The following PLCB4 variants were observed in gnomAD, a reference collection of about 807,000 sequenced individuals.
PLCB4 encodes 1-phosphatidylinositol 4,5-bisphosphate phosphodiesterase beta-4.
In PLCB4, 77 loss-of-function variants were observed where a neutral mutation model predicts 178.8. The observed-to-expected ratio is 0.43, with a 90% CI of 0.36 to 0.52. PLCB4 has a LOEUF of 0.52. Among genes scored for constraint, PLCB4 ranks in the 20% least tolerant of loss-of-function variants. The pLI is 0.00. For synonymous variants in PLCB4, 496 were observed against 490.8 expected, an observed-to-expected ratio of 1.01 and a Z score of -0.14; for missense variants, 1,024 against 1,453.4, an observed-to-expected ratio of 0.70 and a Z score of 4.80.
At chr20:9,349,068 A>G (rs918754411) in intron 7 of PLCB4, among the ~76,000 whole-genome samples, 4 of 151,824 alleles carry the variant, frequency 2.6e-5, no homozygotes, top group African/African-American at 9.7e-5. Flanking sequence ...AAAAAAAAAG[A>G]AAAGAAAAGA....
In PLCB4 at chr20:9,096,328, A is replaced by G. The variant is rs999359125; in HGVS notation, c.-93A>G. On this transcript the variant is annotated 5_prime_UTR_variant, in exon 2 of 40. It removes the in-frame stop codon of an upstream open reading frame in the 5' UTR. Transcript: ENST00000378473. ...TCTGATTCAGAATCCTGAAAATGTGATCTCCCTTAAAAAGGTAGGTGTATG... is the reference window on the plus strand; with the variant it reads ...TCTGATTCAGAATCCTGAAAATGTGGTCTCCCTTAAAAAGGTAGGTGTATG... 15 of 152,280 alleles carry G rather than the reference A, an allele frequency of 9.9e-5. No individual in the cohort carries two copies. Among genetic ancestry groups the G allele is most frequent in the Admixed American group, 9.2e-4 (14 of 15,298 alleles). 9.4% of individuals were successfully genotyped at this position (152,280 alleles called of 1,614,324 possible).
At chr20:9,316,545 A>G (rs560190999) in intron 4 of PLCB4, among the ~76,000 whole-genome samples, 3 of 152,300 alleles carry the variant, frequency 2.0e-5, no homozygotes, top group East Asian at 1.9e-4. Context: ...TTTCCTGACT[A>G]TGTCTCCATG....
At chr20:9,118,206 T>C (rs2091845667) in intron 2 of PLCB4, among the ~76,000 whole-genome samples, 1 of 142,984 alleles carries the variant, frequency 7.0e-6, no homozygotes, top group South Asian at 2.5e-4. Flanking sequence ...TATCTCCCAA[T>C]GCTATCCCTC....
chr20:9,215,962 A>T (rs2093726479), intron 2 of PLCB4, among the ~76,000 whole-genome samples: 1 of 152,182 alleles, frequency 6.6e-6, no homozygotes, highest in Admixed American at 6.5e-5. Context: ...TCATATAGGT[A>T]CAGATTTCCT....
chr20:9,436,809 G>C (rs1307070279), intron 29 of PLCB4, among the ~76,000 whole-genome samples, 193 bp from the exon 30 acceptor site: 1 of 152,182 alleles, frequency 6.6e-6, no homozygotes, highest in African/African-American at 2.4e-5. Flanking sequence ...CCAATAGCTA[G>C]AAAAAGAGAA....
At chr20:9,238,003 T>A (rs1352509274) in intron 3 of PLCB4, among the ~76,000 whole-genome samples, 1 of 152,110 alleles carries the variant, frequency 6.6e-6, no homozygotes, top group Non-Finnish European at 1.5e-5. Flanking sequence ...CTGCGAATAA[T>A]CACGTAGAGG....
At chr20:9,251,319 G>T (rs993810648) in intron 3 of PLCB4, among the ~76,000 whole-genome samples, 7 of 152,124 alleles carry the variant, frequency 4.6e-5, no homozygotes, top group African/African-American at 1.7e-4. Flanking sequence ...AGAAATTTAG[G>T]ATTTCAGTCC....
At chr20:9,470,858 A>G (rs1402999510) in intron 36 of PLCB4, among the ~76,000 whole-genome samples, 2 of 152,212 alleles carry the variant, frequency 1.3e-5, no homozygotes, top group East Asian at 3.8e-4. Flanking sequence ...GTTTGTATCC[A>G]GTGGTATGTG....
intron 32 of PLCB4, among the ~76,000 whole-genome samples, chr20:9,447,686 G>A (rs995386324): frequency 2.6e-5 from 4 of 152,224 alleles, no homozygotes; most frequent in African/African-American, 9.6e-5. Flanking sequence ...CAACAGATTA[G>A]CTTATTAATA....
intron 2 of PLCB4, among the ~76,000 whole-genome samples, chr20:9,196,742 T>C (rs1279636722): frequency 6.6e-6 from 1 of 152,190 alleles, no homozygotes; most frequent in East Asian, 1.9e-4. Context: ...TAATAAGGCC[T>C]ATCTTTGGTG....
intron 2 of PLCB4, among the ~76,000 whole-genome samples, chr20:9,140,280 C>T (rs1022224925): frequency 4.6e-5 from 7 of 151,990 alleles, no homozygotes; most frequent in South Asian, 4.2e-4. Flanking sequence ...ATCCCCTGTC[C>T]GTCTCCTTTT....
rs1403679669 is a variant in PLCB4 at position 9,110,471 on chromosome 20, A to T, written c.-79+14129A>T. Among the ~76,000 whole-genome samples the T allele has an allele frequency of 7.2e-5, 11 of 152,270 alleles. No homozygotes were observed. The East Asian group carries it at 2.1e-3, about 29-fold the overall frequency. The stretch of plus-strand genomic sequence containing the variant: ...AACAGTGTTTAGATTATCTCTACAC[A>T]TTTTACATTTCTCCCAAAGGCTGCT... On this transcript the variant is annotated intron_variant, in intron 2 of 39. Coordinates refer to ENST00000378473, the MANE Select transcript of PLCB4 (RefSeq NM_001377142.1).
chr20:9,384,202 C>T lies in PLCB4; in HGVS notation c.855C>T (p.Gly285=), dbSNP rs946306505. Residue 285 remains glycine (G), a splice_region_variant and synonymous_variant, in exon 14 of 40, where the codon GGC becomes GGT. Transcript: ENST00000378473. ...ACTAAGATGTTCTTTTTCCCCTAGG[C>T]CTTATATCAAGTGATGGGTTTTGCA... ...YEPDEDLKKK[G]LISSDGFCRY... The T allele has an allele frequency of 1.9e-6, 3 of 1,610,058 alleles. No homozygotes were observed. In the Admixed American group the frequency reaches 5.0e-5, roughly 27 times the overall value.
intron 3 of PLCB4, among the ~76,000 whole-genome samples, 200 bp downstream of exon 3, chr20:9,217,652 C>T (rs2147273035): frequency 6.6e-6 from 1 of 152,358 alleles, no homozygotes; most frequent in East Asian, 1.9e-4. Context: ...ATTAATTTCA[C>T]TACTAACCTT....
chr20:9,406,515 G>A (rs2039447329), intron 21 of PLCB4, among the ~76,000 whole-genome samples: 1 of 148,602 alleles, frequency 6.7e-6, no homozygotes, highest in Non-Finnish European at 1.5e-5. Context: ...TTGAGATGGA[G>A]TCTCACTCTG....
intron 3 of PLCB4, among the ~76,000 whole-genome samples, chr20:9,250,894 A>G (rs536476392): frequency 1.2e-4 from 19 of 152,354 alleles, no homozygotes; most frequent in South Asian, 6.2e-4. Context: ...CTCCAGTAAT[A>G]TTCTCTGTGA....
intron 13 of PLCB4, among the ~76,000 whole-genome samples, chr20:9,383,967 T>C (rs1256576005): frequency 6.6e-6 from 1 of 152,228 alleles, no homozygotes; most frequent in Non-Finnish European, 1.5e-5. Context: ...ACCATGTACA[T>C]CTGCCATCAT....
At chr20:9,236,102 T>C (rs1165796100) in intron 3 of PLCB4, among the ~76,000 whole-genome samples, 1 of 152,228 alleles carries the variant, frequency 6.6e-6, no homozygotes, top group Non-Finnish European at 1.5e-5. Context: ...TCACCATCCC[T>C]TCCCTAAGCG....
At chr20:9,209,136 T>A (rs1206041480) in intron 2 of PLCB4, among the ~76,000 whole-genome samples, 2 of 152,182 alleles carry the variant, frequency 1.3e-5, no homozygotes, top group East Asian at 3.9e-4. Context: ...TAGTTTAAGG[T>A]CAAGAGGAGA....
Sources: gnomAD v4.1 joint callset for allele counts (sites outside exome capture counted in the v4.1 genomes callset) on GRCh38, gnomAD v4.1.1 for gene constraint, MANE v1.5 for transcripts, NCBI Gene and HGNC (gene_info 2026-07-23, HGNC 2026-07-21) for gene names.